PCDHGA12: variants seen among roughly 807,000 people sequenced by gnomAD.
The protein encoded by PCDHGA12 is protocadherin gamma subfamily A, 12, also known as protocadherin gamma-A12.
PCDHGA12 carries 43 observed loss-of-function variants against 61.1 expected under a neutral mutation model. The ratio of observed to expected loss-of-function variants is 0.70; its 90% CI spans 0.55 to 0.91. PCDHGA12 has a LOEUF of 0.91. Among genes scored for constraint, PCDHGA12 ranks in the 40% least tolerant of loss-of-function variants. The pLI is 0.00. For missense variants in PCDHGA12, 1,236 were observed against 1,227.7 expected, an observed-to-expected ratio of 1.01 and a Z score of -0.10; for synonymous variants, 520 against 542.9, an observed-to-expected ratio of 0.96 and a Z score of 0.59.
At chr5:141,465,831 T>A (rs997004387) in intron 1 of PCDHGA12, among the ~76,000 whole-genome samples, 1 of 151,980 alleles carries the variant, frequency 6.6e-6, no homozygotes, top group African/African-American at 2.4e-5. Context: ...TTGTTTAAAA[T>A]TTCAACTGAG....
chr5:141,490,896 G>C lies in PCDHGA12; in HGVS notation c.2425-3911G>C. The stretch of plus-strand genomic sequence containing the variant: ...TGCATGCCAACACATCTCTGCATGT[G>C]TTTGTCCTAGACGAGAATGATAATG... On this transcript the variant is annotated intron_variant, in intron 1 of 3. Coordinates refer to ENST00000252085, the MANE Select transcript of PCDHGA12 (RefSeq NM_003735.3). This position sits in a 1 kb window ranked among gnomAD's most constrained non-coding sequence, Gnocchi z 5.4. 2.5e-6 allele frequency: 4 copies of C among 1,613,938 alleles called. No homozygotes were observed. The highest frequency in any genetic ancestry group is 3.4e-6 in the Non-Finnish European group (4 of 1,179,922).
intron 1 of PCDHGA12, among the ~76,000 whole-genome samples, chr5:141,483,631 T>C (rs973545851): frequency 2.7e-5 from 4 of 149,022 alleles, no homozygotes; most frequent in African/African-American, 1.0e-4. Flanking sequence ...TGGGAGAAGG[T>C]ATAGAGGGGT....
In PCDHGA12 at chr5:141,438,615, TATATATATATATATATATATACAC is replaced by T. The variant is rs1230398483; in HGVS notation, c.2424+5434_2424+5457del. ...ACATATATATATATATATATATATA[TATATATATATATATATATATACAC>T]ACACACACACACATATATGTATATA... is the stretch of plus-strand genomic sequence containing the variant. On this transcript the variant is annotated intron_variant, in intron 1 of 3. Transcript: ENST00000252085. Among the ~76,000 whole-genome samples the T allele has an allele frequency of 3.0e-3, 107 of 35,910 alleles. 2 individuals carry two copies. The highest frequency in any genetic ancestry group is 7.9e-3 in the African/African-American group (39 of 4,916). The allele number at this position is 35,910 out of a possible 152,430, so 23.6% of individuals were successfully genotyped here. A position where few individuals can be genotyped will look rare whatever the true frequency, so the allele number is the denominator to read the frequency against.
rs773942024 is a variant in PCDHGA12, at chr5:141,433,234, C to G, written c.2424+51C>G. 3.3e-6 allele frequency: 5 copies of G among 1,512,860 alleles called. No homozygotes were observed. In the South Asian group the frequency reaches 5.0e-5, roughly 15 times the overall value. The allele number at this position is 1,512,860 out of a possible 1,614,324, so 93.7% of individuals were successfully genotyped here. A position where few individuals can be genotyped will look rare whatever the true frequency, so the allele number is the denominator to read the frequency against. On this transcript the variant is annotated intron_variant, in intron 1 of 3. Coordinates refer to ENST00000252085, the MANE Select transcript of PCDHGA12 (RefSeq NM_003735.3). ...TTTTTTTTTTTTAATTGCTCTGTCT[C>G]CCAAGCTGGAATGCAGCGGTACGAT...
At position 141,432,818 on chromosome 5, in the gene PCDHGA12, T is replaced by C. The variant is rs370597280; in HGVS notation, c.2059T>C (p.Ser687Pro). The change falls in exon 1 of 4, where the codon TCA becomes CCA. Residue 687 changes from serine to proline, a missense_variant. Transcript: ENST00000252085. This position sits in a 1 kb window ranked among gnomAD's most constrained non-coding sequence, Gnocchi z 6.0. The stretch of plus-strand genomic sequence containing the variant: ...CGAGTCTCCAGCTAACTCTGAAACC[T>C]CAGACCTCACTCTGTACCTGGTGGT... The part of the protein sequence containing the change: ...SLESPANSET[S>P]DLTLYLVVAV... 9.9e-6 allele frequency: 16 copies of C among 1,614,106 alleles called. No individual in the cohort carries two copies. The highest frequency in any genetic ancestry group is 1.4e-5 in the Non-Finnish European group (16 of 1,179,986).
intron 1 of PCDHGA12, chr5:141,441,088 G>A (rs1050261040): frequency 3.9e-5 from 6 of 152,162 alleles, no homozygotes; most frequent in African/African-American, 1.4e-4. Context: ...GGTAGCAAGT[G>A]ACAGAGAGGG....
chr5:141,460,455 A>AT (rs2098989699), intron 1 of PCDHGA12, among the ~76,000 whole-genome samples: 1 of 152,080 alleles, frequency 6.6e-6, no homozygotes, highest in Non-Finnish European at 1.5e-5. Flanking sequence ...GAAGATTCAT[A>AT]TTTTTTTCCA....
At chr5:141,482,570 C>A (rs2099568543) in intron 1 of PCDHGA12, among the ~76,000 whole-genome samples, 1 of 144,954 alleles carries the variant, frequency 6.9e-6, no homozygotes, top group African/African-American at 2.6e-5. Context: ...ATCTGCATAG[C>A]ATAAGATGCA....
chr5:141,451,528 G>C (rs1451101169), intron 1 of PCDHGA12, among the ~76,000 whole-genome samples: 8 of 152,210 alleles, frequency 5.3e-5, no homozygotes. Flanking sequence ...AAGTAAAGGA[G>C]AGTGCCAGAG....
At chr5:141,509,669 G>GAGAA (rs2099877764) in intron 3 of PCDHGA12, among the ~76,000 whole-genome samples, 1 of 152,180 alleles carries the variant, frequency 6.6e-6, no homozygotes, top group African/African-American at 2.4e-5. Flanking sequence ...CTGGGCCCCA[G>GAGAA]TTTCTTCTTC....
intron 1 of PCDHGA12, among the ~76,000 whole-genome samples, chr5:141,450,025 G>C (rs963999877): frequency 2.7e-5 from 1 of 36,752 alleles, no homozygotes; most frequent in Non-Finnish European, 5.4e-5. Context: ...TTTTTTTTTT[G>C]AGACAGGGTC....
intron 1 of PCDHGA12, among the ~76,000 whole-genome samples, chr5:141,436,713 G>C (rs2097842329): frequency 6.6e-6 from 1 of 152,308 alleles, no homozygotes; most frequent in East Asian, 1.9e-4. Flanking sequence ...TCGATGTTCT[G>C]TTGGGAAAAA....
chr5:141,489,148 C>G lies in PCDHGA12; in HGVS notation c.2425-5659C>G. 1 of 895,318 alleles carries G rather than the reference C, an allele frequency of 1.1e-6. No individual in the cohort carries two copies. Among genetic ancestry groups the G allele is most frequent in the Non-Finnish European group, 1.7e-6 (1 of 589,254 alleles). The allele number at this position is 895,318 out of a possible 1,614,324, so 55.5% of individuals were successfully genotyped here. A position where few individuals can be genotyped will look rare whatever the true frequency, so the allele number is the denominator to read the frequency against. ...CAGTTTTTAAGAGGCTGGAAGGAGA[C>G]ATAAGAGACTTCAGCTGCTGCATTC... On this transcript the variant is annotated intron_variant, in intron 1 of 3. Transcript: ENST00000252085. This position sits in a 1 kb window ranked among gnomAD's most constrained non-coding sequence, Gnocchi z 4.5.
intron 2 of PCDHGA12, among the ~76,000 whole-genome samples, chr5:141,503,977 CCTT>C (rs1012021012): frequency 1.3e-5 from 2 of 152,250 alleles, no homozygotes; most frequent in Admixed American, 1.3e-4. Flanking sequence ...GGTGCCAAAC[CCTT>C]CTTCTTACCT....
In PCDHGA12 at chr5:141,431,643, A is replaced by G. The variant is rs528599572; in HGVS notation, c.884A>G (p.Asp295Gly). ...DDKAAQVFKLDCNSGTISTIG... is the reference protein window; with the variant it reads ...DDKAAQVFKLGCNSGTISTIG... Reference sequence around the variant, plus strand: ...AAGGCGGCCCAAGTTTTCAAACTAGATTGTAATTCAGGGACAATATCAACA... The same window carrying G: ...AAGGCGGCCCAAGTTTTCAAACTAGGTTGTAATTCAGGGACAATATCAACA... Residue 295 changes from aspartate (D) to glycine (G), a missense_variant, in exon 1 of 4, where the codon GAT becomes GGT. Physicochemically the swap from Asp to Gly is moderately conservative, Grantham distance 94. Coordinates refer to ENST00000252085, the MANE Select transcript of PCDHGA12 (RefSeq NM_003735.3). The surrounding 1 kb of genome is among the most constrained non-coding windows in gnomAD (Gnocchi z 4.8). 5.0e-5 allele frequency: 81 copies of G among 1,614,240 alleles called. No individual in the cohort carries two copies. In the South Asian group the frequency reaches 7.4e-4, roughly 15 times the overall value.
At chr5:141,440,484 A>G (rs190024112) in intron 1 of PCDHGA12, 36 of 152,300 alleles carry the variant, frequency 2.4e-4, no homozygotes, top group Non-Finnish European at 4.7e-4. Context: ...AATTCTTTAA[A>G]TGTTTTTCAC....
At position 141,512,430 on chromosome 5, in the gene PCDHGA12, CT is replaced by C. The variant is rs1357890225; in HGVS notation, c.*1258del. The C allele has an allele frequency of 1.3e-5, 2 of 152,824 alleles. No homozygotes were observed. Among genetic ancestry groups the C allele is most frequent in the Non-Finnish European group, 2.9e-5 (2 of 68,158 alleles). 9.5% of individuals were successfully genotyped at this position (152,824 alleles called of 1,614,324 possible). On this transcript the variant is annotated 3_prime_UTR_variant, in exon 4 of 4. Coordinates refer to ENST00000252085, the MANE Select transcript of PCDHGA12 (RefSeq NM_003735.3). ...CTTCTTCAACAGGGCCCCTGCCCTCCTGAAGCCTCAGTCCTTCACCTTGCCA... is the reference window on the plus strand; with the variant it reads ...CTTCTTCAACAGGGCCCCTGCCCTCCGAAGCCTCAGTCCTTCACCTTGCCA...
chr5:141,457,495 T>C (rs2098922394), intron 1 of PCDHGA12, among the ~76,000 whole-genome samples: 1 of 152,204 alleles, frequency 6.6e-6, no homozygotes, highest in Admixed American at 6.5e-5. Context: ...GTCTAAAATG[T>C]AGGCAAAAAG....
chr5:141,510,862 C>CATTCA, intron 3 of PCDHGA12, 85 bp from the exon 4 acceptor site: 1 of 1,606,772 alleles, frequency 6.2e-7, no homozygotes, highest in South Asian at 1.1e-5. Flanking sequence ...GCTGTATAGG[C>CATTCA]ATTCATTAAC....
Sources: gnomAD v4.1 joint callset for allele counts (sites outside exome capture counted in the v4.1 genomes callset) on GRCh38, gnomAD v4.1.1 for gene constraint, Gnocchi (gnomAD v3.1) non-coding constraint, MANE v1.5 for transcripts, NCBI Gene and HGNC (gene_info 2026-07-23, HGNC 2026-07-21) for gene names.